KIF14: variants seen among roughly 807,000 people sequenced by gnomAD.
KIF14 encodes kinesin-like protein KIF14.
KIF14 carries 98 observed loss-of-function variants against 176.2 expected under a neutral mutation model. The observed-to-expected ratio is 0.56, with a 90% CI of 0.47 to 0.66. The LOEUF (loss-of-function observed/expected upper bound fraction) is 0.66. Ranked by LOEUF, KIF14 falls within the 30% of genes least tolerant of loss-of-function variation. KIF14 has a pLI of 0.00. For missense variants in KIF14, 1,751 were observed against 1,920.4 expected, an observed-to-expected ratio of 0.91 and a Z score of 1.65; for synonymous variants, 566 against 632.2, an observed-to-expected ratio of 0.90 and a Z score of 1.57.
intron 3 of KIF14, among the ~76,000 whole-genome samples, chr1:200,614,850 G>A (rs1057107518): frequency 1.4e-5 from 2 of 142,016 alleles, no homozygotes; most frequent in Non-Finnish European, 3.1e-5. Context: ...TTAAAATGCT[G>A]AGTATTTCTT....
At chr1:200,587,133 C>T (rs1291275466) in intron 18 of KIF14, among the ~76,000 whole-genome samples, 1 of 151,974 alleles carries the variant, frequency 6.6e-6, no homozygotes, top group Non-Finnish European at 1.5e-5. Flanking sequence ...TCATAAGGAG[C>T]GTGCAACCTA....
At chr1:200,578,799 A>C (rs1391672839) in intron 21 of KIF14, among the ~76,000 whole-genome samples, 1 of 152,236 alleles carries the variant, frequency 6.6e-6, no homozygotes, top group African/African-American at 2.4e-5. Flanking sequence ...ATTTCATTTA[A>C]CAAAAAATTC....
At chr1:200,588,474 C>T (rs1490537770) in intron 18 of KIF14, among the ~76,000 whole-genome samples, 2 of 151,932 alleles carry the variant, frequency 1.3e-5, no homozygotes, top group Non-Finnish European at 2.9e-5. Flanking sequence ...CTCTTAACGT[C>T]GTAATCCACC....
chr1:200,618,810 T>G lies in KIF14; in HGVS notation c.-87A>C, dbSNP rs901227481. 8.9e-7 allele frequency: 1 copy of G among 1,125,352 alleles called. No individual in the cohort carries two copies. The allele number at this position is 1,125,352 out of a possible 1,614,324, so 69.7% of individuals were successfully genotyped here. A position where few individuals can be genotyped will look rare whatever the true frequency, so the allele number is the denominator to read the frequency against. On this transcript the variant is annotated 5_prime_UTR_variant, in exon 2 of 30. Transcript: ENST00000367350. ...TCATTTGATTTCCAGCCATTTCTTA[T>G]GTATCCATTTCTGAAAGTATCTGCT... is the stretch of plus-strand genomic sequence containing the variant.
Position 200,554,485 on chromosome 1 carries a change from A to G in KIF14, c.4550T>C (p.Ile1517Thr), listed in dbSNP as rs1179279406. 2.0e-6 allele frequency: 3 copies of G among 1,531,650 alleles called. No individual in the cohort carries two copies. The highest frequency in any genetic ancestry group is 2.8e-5 in the African/African-American group (2 of 72,686). The allele number at this position is 1,531,650 out of a possible 1,614,324, so 94.9% of individuals were successfully genotyped here. The change falls in exon 29 of 30, where the codon ATT becomes ACT. Residue 1517 changes from isoleucine (I) to threonine (T), a missense_variant. Transcript: ENST00000367350. The part of the protein sequence containing the change: ...KHCLEKAIEI[I>T]ISALKGCHSD... ...AATCATACCTTTCAGTGCAGAAATA[A>G]TAATTTCAATAGCTTTCTCTAAGCA...
intron 23 of KIF14, among the ~76,000 whole-genome samples, chr1:200,566,530 T>G (rs939466011): frequency 6.6e-6 from 1 of 150,928 alleles, no homozygotes; most frequent in African/African-American, 2.4e-5. Context: ...GAGGCGGAGG[T>G]TACAGTGAGC....
Position 200,618,433 on chromosome 1 carries a change from G to T in KIF14, c.291C>A (p.Asn97Lys), listed in dbSNP as rs1558098094. Residue 97 changes from asparagine (N) to lysine (K), a missense_variant, in exon 2 of 30, where the codon AAC (asparagine) becomes AAA (lysine). Coordinates refer to ENST00000367350, the MANE Select transcript of KIF14 (RefSeq NM_014875.3). ...RLALQRRTTR[N>K]KESSLLVSEL... The stretch of plus-strand genomic sequence containing the variant: ...CACTAACAAGCAAAGATGATTCTTT[G>T]TTCCTTGTAGTTCTCCTCTGAAGTG... The T allele has an allele frequency of 1.2e-6, 2 of 1,614,158 alleles. No individual in the cohort carries two copies. Among genetic ancestry groups the T allele is most frequent in the Non-Finnish European group, 1.7e-6 (2 of 1,180,016 alleles).
At chr1:200,607,537 T>G (rs192095170) in intron 5 of KIF14, among the ~76,000 whole-genome samples, 4 of 152,320 alleles carry the variant, frequency 2.6e-5, no homozygotes, top group African/African-American at 9.6e-5. Context: ...TTCGTTAAAT[T>G]TCAGACATTA....
intron 4 of KIF14, among the ~76,000 whole-genome samples, chr1:200,612,184 G>A (rs1393826359): frequency 6.6e-6 from 1 of 151,904 alleles, no homozygotes; most frequent in Non-Finnish European, 1.5e-5. Flanking sequence ...TGTATTCTTA[G>A]TAGAGACAGG....
At chr1:200,572,303 T>C (rs1312931594) in intron 22 of KIF14, among the ~76,000 whole-genome samples, 6 of 152,170 alleles carry the variant, frequency 3.9e-5, no homozygotes, top group African/African-American at 1.2e-4. Flanking sequence ...AACTTAAAAG[T>C]CAACAGAAAA....
At chr1:200,557,637 T>C (rs1436599910) in intron 27 of KIF14, among the ~76,000 whole-genome samples, 3 of 152,104 alleles carry the variant, frequency 2.0e-5, no homozygotes, top group Non-Finnish European at 2.9e-5. Context: ...AACCCTGTAG[T>C]ATGAGCAAAG....
intron 23 of KIF14, among the ~76,000 whole-genome samples, chr1:200,565,872 A>C (rs1343454308): frequency 6.6e-6 from 1 of 152,226 alleles, no homozygotes; most frequent in Non-Finnish European, 1.5e-5. Context: ...TTGTAAGTAT[A>C]TCTTCCATGC....
In KIF14 at chr1:200,618,001, C is replaced by T. The variant is rs748610123; in HGVS notation, c.723G>A (p.Gln241=). The change falls in exon 2 of 30, where the codon CAG becomes CAA. Residue 241 remains glutamine, a synonymous_variant. Transcript: ENST00000367350. ...CCAACACTTTGATATCCAACTTGCT[C>T]TGAGTAGGTTTCGTTGTCAAGTGTC... ...RSGHLTTKPT[Q]SKLDIKVLGT... The T allele has an allele frequency of 1.2e-5, 19 of 1,614,054 alleles. No homozygotes were observed. The highest frequency in any genetic ancestry group is 1.6e-5 in the Non-Finnish European group (19 of 1,180,038).
intron 22 of KIF14, among the ~76,000 whole-genome samples, chr1:200,573,167 TAGA>T (rs1339078428): frequency 6.6e-6 from 1 of 152,214 alleles, no homozygotes; most frequent in Non-Finnish European, 1.5e-5. Flanking sequence ...GTGGTCATAG[TAGA>T]AGCAGCAGGA....
At chr1:200,599,902 T>G in intron 13 of KIF14, 148 bp downstream of exon 13, 1 of 548,170 alleles carries the variant, frequency 1.8e-6, no homozygotes, top group Non-Finnish European at 3.3e-6. Flanking sequence ...TTCTTTATAT[T>G]AATTTTCCTT....
In KIF14 at chr1:200,619,565, A is replaced by T. The variant is rs569565260; in HGVS notation, c.-115-727T>A. Among the ~76,000 whole-genome samples, 268 of 152,172 alleles carry T rather than the reference A, an allele frequency of 1.8e-3. 2 individuals carry two copies. The highest frequency in any genetic ancestry group is 2.7e-3 in the Non-Finnish European group (184 of 67,976). On this transcript the variant is annotated intron_variant, in intron 1 of 29. Transcript: ENST00000367350. ...ACGGGGTTTCACCATGTTGGCCAGG[A>T]TGGTCTCGATATCTTGACCTTGTGA...
At chr1:200,597,159 A>G (rs1393965298) in intron 14 of KIF14, among the ~76,000 whole-genome samples, 4 of 152,046 alleles carry the variant, frequency 2.6e-5, no homozygotes, top group Non-Finnish European at 5.9e-5. Context: ...GATTACAGGC[A>G]TAAGCCACCA....
At chr1:200,569,650 G>A (rs1276274181) in intron 23 of KIF14, among the ~76,000 whole-genome samples, 1 of 152,126 alleles carries the variant, frequency 6.6e-6, no homozygotes, top group Non-Finnish European at 1.5e-5. Flanking sequence ...TCACTTGTAA[G>A]GAAGTAATAT....
At chr1:200,596,241 C>G (rs12117310) in intron 14 of KIF14, among the ~76,000 whole-genome samples, 43,822 of 152,008 alleles carry the variant, frequency 0.29, 7,759 homozygotes, top group Non-Finnish European at 0.41. Flanking sequence ...GAGCAAAACT[C>G]TGAAATCAAA....
Sources: allele counts gnomAD v4.1 joint callset (sites outside exome capture counted in the v4.1 genomes callset), GRCh38; gene constraint gnomAD v4.1.1; transcripts MANE v1.5; gene names NCBI Gene and HGNC (gene_info 2026-07-23, HGNC 2026-07-21).